The following ADAMTSL1 variants were observed in gnomAD, a reference collection of about 807,000 sequenced individuals.
ADAMTSL1 encodes ADAMTS like 1.
ADAMTSL1 carries 126 observed loss-of-function variants against 201.8 expected under a neutral mutation model. That is an observed-to-expected ratio of 0.62 (90% CI 0.54 to 0.72). ADAMTSL1 has a LOEUF of 0.72. Ranked by LOEUF, ADAMTSL1 falls within the 30% of genes least tolerant of loss-of-function variation. The probability of loss-of-function intolerance (pLI) is 0.00; values close to 1 mark genes in which losing one functional copy is unlikely to be tolerated. For synonymous variants in ADAMTSL1, 1,121 were observed against 903.4 expected (o/e 1.24, Z -4.32); for missense variants, 2,679 against 2,277.8 (o/e 1.18, Z -3.59).
intron 1 of ADAMTSL1, among the ~76,000 whole-genome samples, chr9:17,945,748 T>A (rs1039251626): frequency 1.4e-5 from 2 of 141,180 alleles, no homozygotes; most frequent in Non-Finnish European, 3.0e-5. Context: ...TTCTCACTCA[T>A]AGGTGGGAAT....
intron 16 of ADAMTSL1, among the ~76,000 whole-genome samples, chr9:18,763,233 T>C (rs1003861959): frequency 2.0e-5 from 3 of 152,186 alleles, no homozygotes; most frequent in African/African-American, 7.2e-5. Context: ...CATTGTAGTT[T>C]TGATTTGCAT....
chr9:18,739,915 G>GTT (rs1818722982), intron 15 of ADAMTSL1, among the ~76,000 whole-genome samples: 2 of 151,946 alleles, frequency 1.3e-5, no homozygotes, highest in Non-Finnish European at 2.9e-5. Flanking sequence ...GTGTGTGTGT[G>GTT]TGTGTGTGTG....
At chr9:18,473,946 C>CT (rs931048559), upstream of ADAMTSL1, 17 of 398,486 alleles carry the variant, frequency 4.3e-5, no homozygotes, top group African/African-American at 8.2e-5. Flanking sequence ...CCTTTTCCCC[C>CT]TTTTTTGCTC....
chr9:18,433,607 G>T (rs1291109000), intron 2 of ADAMTSL1, among the ~76,000 whole-genome samples: 2 of 152,198 alleles, frequency 1.3e-5, no homozygotes, highest in African/African-American at 2.4e-5. Flanking sequence ...ACTCAGAAAG[G>T]TCGAATTCAA....
intron 1 of ADAMTSL1, among the ~76,000 whole-genome samples, chr9:18,121,158 AATC>A (rs1376533584): frequency 1.3e-5 from 2 of 152,196 alleles, no homozygotes; most frequent in Non-Finnish European, 2.9e-5. Context: ...TCGTTTTGAA[AATC>A]ATCAACTGGT....
chr9:18,218,938 T>TG (rs1361180610), intron 2 of ADAMTSL1, among the ~76,000 whole-genome samples: 5 of 152,132 alleles, frequency 3.3e-5, no homozygotes, highest in African/African-American at 1.2e-4. Flanking sequence ...AATGATTTAA[T>TG]ATAAGGTTCT....
chr9:18,377,867 T>G (rs777700345), intron 2 of ADAMTSL1, among the ~76,000 whole-genome samples: 20 of 152,096 alleles, frequency 1.3e-4, no homozygotes, highest in Non-Finnish European at 2.5e-4. Context: ...CATGCCTGGC[T>G]GAGAGATTAA....
intron 1 of ADAMTSL1, among the ~76,000 whole-genome samples, chr9:18,503,677 A>G (rs1278902887): frequency 6.6e-6 from 1 of 152,098 alleles, no homozygotes; most frequent in Non-Finnish European, 1.5e-5. Flanking sequence ...CAGGCTGGGT[A>G]GATCCACAGT....
At chr9:18,537,891 A>AG (rs1434452252) in intron 3 of ADAMTSL1, among the ~76,000 whole-genome samples, 2 of 148,762 alleles carry the variant, frequency 1.3e-5, no homozygotes, top group African/African-American at 5.0e-5. Context: ...AAAAAAAAAA[A>AG]AAGAAGAAAG....
At chr9:18,145,438 A>G (rs1826599365) in intron 1 of ADAMTSL1, among the ~76,000 whole-genome samples, 1 of 152,188 alleles carries the variant, frequency 6.6e-6, no homozygotes, top group Non-Finnish European at 1.5e-5. Flanking sequence ...AATGTTAATC[A>G]TCATGTTAGT....
chr9:18,664,173 C>T (rs915505329), intron 9 of ADAMTSL1, among the ~76,000 whole-genome samples: 17 of 151,820 alleles, frequency 1.1e-4, no homozygotes, highest in South Asian at 2.1e-4. Flanking sequence ...CAGCTGCTTC[C>T]GAAAATGTAA....
At chr9:18,158,590 A>G (rs917693270) in intron 1 of ADAMTSL1, among the ~76,000 whole-genome samples, 3 of 152,036 alleles carry the variant, frequency 2.0e-5, no homozygotes, top group African/African-American at 7.2e-5. Flanking sequence ...AATTTACTGA[A>G]ATCTGGTAAA....
At chr9:18,612,603 A>G (rs1013909985) in intron 4 of ADAMTSL1, among the ~76,000 whole-genome samples, 8 of 152,208 alleles carry the variant, frequency 5.3e-5, no homozygotes, top group African/African-American at 1.9e-4. Context: ...GGTCTTTGAC[A>G]AAAACAAGCA....
intron 1 of ADAMTSL1, among the ~76,000 whole-genome samples, chr9:18,067,210 C>T (rs1165591061): frequency 6.6e-6 from 1 of 152,122 alleles, no homozygotes; most frequent in Non-Finnish European, 1.5e-5. Context: ...ATTTACTAGC[C>T]ATGTAAATTT....
At chr9:18,274,649 G>T (rs1056314207) in intron 2 of ADAMTSL1, among the ~76,000 whole-genome samples, 2 of 152,042 alleles carry the variant, frequency 1.3e-5, no homozygotes, top group African/African-American at 4.8e-5. Flanking sequence ...TATAATAAGT[G>T]CACAAAAACA....
intron 13 of ADAMTSL1, among the ~76,000 whole-genome samples, chr9:18,699,231 AGAGCGTCATTGTCAT>A (rs1450167551): frequency 6.6e-6 from 1 of 152,128 alleles, no homozygotes; most frequent in Non-Finnish European, 1.5e-5. Context: ...TCAACCCAAA[AGAGCGTCATTGTCAT>A]GAGAAAAAGT....
At chr9:18,882,760 GAGGAGGGAGGATCACTTGAGGCC>G (rs1268591158) in intron 23 of ADAMTSL1, among the ~76,000 whole-genome samples, 22 of 152,124 alleles carry the variant, frequency 1.4e-4, no homozygotes, top group Admixed American at 1.3e-3. Context: ...TTGGGAAGCT[GAGGAGGGAGGATCACTTGAGGCC>G]AGGAGTTCAA....
Position 18,765,075 on chromosome 9 carries a change from C to T in ADAMTSL1, c.2218-5527C>T, listed in dbSNP as rs531973066. On this transcript the variant is annotated intron_variant, in intron 16 of 28. Transcript: ENST00000380548. Reference sequence around the variant, plus strand: ...AATTAACCTACATTTTTCTTTATTGCCAAATTCACTAAGAAACTCTAACTG... The same window carrying T: ...AATTAACCTACATTTTTCTTTATTGTCAAATTCACTAAGAAACTCTAACTG... Among the ~76,000 whole-genome samples, 18 of 152,268 alleles carry T rather than the reference C, an allele frequency of 1.2e-4. 1 individual carries two copies. The South Asian group carries it at 3.7e-3, about 32-fold the overall frequency.
intron 19 of ADAMTSL1, among the ~76,000 whole-genome samples, chr9:18,794,985 C>A (rs990234267): frequency 7.9e-5 from 12 of 152,190 alleles, no homozygotes; most frequent in African/African-American, 2.9e-4. Context: ...TTCTTTCAAC[C>A]ATCCAACCAA....
Sources: allele counts gnomAD v4.1 joint callset (sites outside exome capture counted in the v4.1 genomes callset), GRCh38; gene constraint gnomAD v4.1.1; transcripts MANE v1.5; gene names NCBI Gene and HGNC (gene_info 2026-07-23, HGNC 2026-07-21).